Variants in FLT1 observed in about 807,000 individuals in gnomAD.
The protein encoded by FLT1 is fms related receptor tyrosine kinase 1.
Under a neutral mutation model 156.3 loss-of-function variants are expected in FLT1, and 49 were observed. That is an observed-to-expected ratio of 0.31 (90% CI 0.25 to 0.40). The LOEUF is 0.40. Ranked by LOEUF, FLT1 falls within the 10% of genes least tolerant of loss-of-function variation. The pLI is 1.00. For synonymous variants in FLT1, 594 were observed against 583.8 expected, an observed-to-expected ratio of 1.02 and a Z score of -0.25; for missense variants, 1,322 against 1,637.2, an observed-to-expected ratio of 0.81 and a Z score of 3.32.
At chr13:28,323,039 T>C in intron 20 of FLT1, 93 bp from the exon 21 acceptor site, 1 of 1,344,170 alleles carries the variant, frequency 7.4e-7, no homozygotes, top group African/African-American at 1.4e-5. Context: ...TGATGAGAAA[T>C]GAGAGCGTTT....
In FLT1 at chr13:28,494,821, C is replaced by T. The variant is rs757148061; in HGVS notation, c.23G>A (p.Gly8Glu). The change falls in exon 1 of 30, where the codon GGG becomes GAG. Residue 8 changes from glycine to glutamate, a missense_variant. Physicochemically the swap from Gly to Glu is moderately conservative, Grantham distance 98. Transcript: ENST00000282397. MVSYWDT[G>E]VLLCALLSCL... ...GCTGAGCAGCGCGCACAGCAGGACC[C>T]CGGTGTCCCAGTAGCTGACCATGGT... 3 of 1,573,228 alleles carry T rather than the reference C, an allele frequency of 1.9e-6. No individual in the cohort carries two copies. The highest frequency in any genetic ancestry group is 2.7e-5 in the African/African-American group (2 of 73,158).
At chr13:28,446,940 T>A (rs1439477388) in intron 3 of FLT1, among the ~76,000 whole-genome samples, 1 of 152,032 alleles carries the variant, frequency 6.6e-6, no homozygotes, top group African/African-American at 2.4e-5. Context: ...GCTGGCACAA[T>A]GGATTAGTGG....
Position 28,303,057 on chromosome 13 carries a change from C to A in FLT1, c.*110G>T. On this transcript the variant is annotated 3_prime_UTR_variant, in exon 30 of 30. Coordinates refer to ENST00000282397, the MANE Select transcript of FLT1 (RefSeq NM_002019.4). The stretch of plus-strand genomic sequence containing the variant: ...AAAAATCACAAAAAGCAGCTGGCTC[C>A]CATGGAAAGATAAAGGTGTAAACTT... The A allele has an allele frequency of 1.0e-6, 1 of 963,600 alleles. No homozygotes were observed. 59.7% of individuals were successfully genotyped at this position (963,600 alleles called of 1,614,324 possible).
At chr13:28,363,518 A>G (rs1313751738) in intron 14 of FLT1, among the ~76,000 whole-genome samples, 1 of 152,160 alleles carries the variant, frequency 6.6e-6, no homozygotes, top group African/African-American at 2.4e-5. Context: ...CAGAATACAG[A>G]ATATTATTTT....
rs954327183 is a variant in FLT1 at position 28,417,347 on chromosome 13, C to T, written c.1436+9812G>A. The stretch of plus-strand genomic sequence containing the variant: ...CTGCATCACATCTTTGTCCCTCTCC[C>T]CTTCCATTTAACTTTCCAAGATCTA... On this transcript the variant is annotated intron_variant, in intron 10 of 29. Coordinates refer to ENST00000282397, the MANE Select transcript of FLT1 (RefSeq NM_002019.4). Among the ~76,000 whole-genome samples the T allele has an allele frequency of 4.6e-5, 7 of 152,054 alleles. No individual in the cohort carries two copies. The South Asian group carries it at 1.0e-3, about 23-fold the overall frequency.
At chr13:28,351,576 GT>G (rs1484228807) in intron 15 of FLT1, among the ~76,000 whole-genome samples, 2 of 152,266 alleles carry the variant, frequency 1.3e-5, no homozygotes, top group Admixed American at 6.5e-5. Flanking sequence ...TGTCGATGAA[GT>G]TTTTTAGGAA....
chr13:28,315,651 T>C lies in FLT1; in HGVS notation c.3386+1847A>G, dbSNP rs182812534. Among the ~76,000 whole-genome samples the C allele has an allele frequency of 6.1e-3, 922 of 152,364 alleles. 11 individuals are homozygous for C. The highest frequency in any genetic ancestry group is 0.02 in the African/African-American group (841 of 41,582). Reference sequence around the variant, plus strand: ...AAACTTAATTTCATACTGTTTTGCATTTATTTTGATGTAAAAATATTGTTA... The same window carrying C: ...AAACTTAATTTCATACTGTTTTGCACTTATTTTGATGTAAAAATATTGTTA... On this transcript the variant is annotated intron_variant, in intron 25 of 29. Transcript: ENST00000282397.
intron 3 of FLT1, 69 bp from the exon 4 acceptor site, chr13:28,438,414 C>A: frequency 1.6e-6 from 2 of 1,249,334 alleles, no homozygotes; most frequent in Non-Finnish European, 2.3e-6. Flanking sequence ...GACACTGTAG[C>A]TAGTGTGGTA....
intron 10 of FLT1, among the ~76,000 whole-genome samples, chr13:28,421,361 C>T (rs898775665): frequency 2.6e-5 from 4 of 152,154 alleles, no homozygotes; most frequent in African/African-American, 7.2e-5. Context: ...ATTTTTCACA[C>T]CCTGAAGGGA....
At position 28,300,453 on chromosome 13, in the gene FLT1, T is replaced by A. The variant is rs1271293611; in HGVS notation, c.*2714A>T. The A allele has an allele frequency of 1.7e-5, 4 of 233,078 alleles. No individual in the cohort carries two copies. The highest frequency in any genetic ancestry group is 3.4e-5 in the Non-Finnish European group (4 of 118,066). 14.4% of individuals were successfully genotyped at this position (233,078 alleles called of 1,614,324 possible). ...GTCTTATATCTGTAGCATATATTCT[T>A]GGTTTGTATAAAAGTAACTTTAAAA... is the stretch of plus-strand genomic sequence containing the variant. On this transcript the variant is annotated 3_prime_UTR_variant, in exon 30 of 30. Transcript: ENST00000282397.
At position 28,384,882 on chromosome 13, in the gene FLT1, T is replaced by C. The variant is rs1480510419; in HGVS notation, c.2116+3A>G. ...ATAAATGGAAGAAAAAAAAGTCTCT[T>C]ACCAGGCTCTTGTTGTATTTTGTGG... On this transcript the variant is annotated splice_donor_region_variant and intron_variant, in intron 14 of 29. Transcript: ENST00000282397. 1 of 1,613,894 alleles carries C rather than the reference T, an allele frequency of 6.2e-7. No individual in the cohort carries two copies. Among genetic ancestry groups the C allele is most frequent in the African/African-American group, 1.3e-5 (1 of 74,914 alleles).
chr13:28,352,031 A>G (rs1323215453), intron 15 of FLT1, among the ~76,000 whole-genome samples: 1 of 152,248 alleles, frequency 6.6e-6, no homozygotes, highest in Non-Finnish European at 1.5e-5. Context: ...AAGGTAAGGA[A>G]CTTGGCAAAA....
intron 1 of FLT1, among the ~76,000 whole-genome samples, chr13:28,490,317 G>A (rs1881399414): frequency 6.6e-6 from 1 of 152,224 alleles, no homozygotes; most frequent in Non-Finnish European, 1.5e-5. Flanking sequence ...TTACCAAGAT[G>A]GATGGGAAAT....
chr13:28,484,222 G>GT (rs1881016609), intron 1 of FLT1, among the ~76,000 whole-genome samples: 1 of 152,196 alleles, frequency 6.6e-6, no homozygotes, highest in Admixed American at 6.5e-5. Flanking sequence ...AGGTCGTTCT[G>GT]TGAGGTATTT....
intron 3 of FLT1, among the ~76,000 whole-genome samples, chr13:28,450,084 T>C (rs1338340738): frequency 6.6e-6 from 1 of 152,042 alleles, no homozygotes. Flanking sequence ...AGATATAAGA[T>C]TGAAGCAAGC....
intron 23 of FLT1, 142 bp downstream of exon 23, chr13:28,321,321 C>T (rs555025817): frequency 1.0e-4 from 107 of 1,019,918 alleles, no homozygotes; most frequent in East Asian, 4.8e-5. Flanking sequence ...TCTGGGATGC[C>T]GCTCATCTGG....
intron 29 of FLT1, among the ~76,000 whole-genome samples, chr13:28,304,894 T>C (rs1870677282): frequency 6.6e-6 from 1 of 152,246 alleles, no homozygotes; most frequent in African/African-American, 2.4e-5. Flanking sequence ...CAATATTATA[T>C]TGTGTGGATA....
Position 28,384,978 on chromosome 13 carries a change from T to C in FLT1, c.2023A>G (p.Ser675Gly), listed in dbSNP as rs199945165. ...TGACAGTCTAAAGTGGTGGAACTGC[T>C]GATGGCCACTGTGTGATCACTGAGG... ...RNLSDHTVAI[S>G]SSTTLDCHAN... Residue 675 changes from serine (S) to glycine (G), a missense_variant, in exon 14 of 30, where the codon AGC (serine) becomes GGC (glycine). Ser to Gly is a moderately conservative substitution (Grantham distance 56). Around this residue, in one of 3 missense-constraint regions of FLT1, gnomAD observed 991 missense variants for 1,254.8 expected, o/e 0.79. Coordinates refer to ENST00000282397, the MANE Select transcript of FLT1 (RefSeq NM_002019.4). 9.4e-5 allele frequency: 151 copies of C among 1,614,022 alleles called. No individual in the cohort carries two copies. The highest frequency in any genetic ancestry group is 1.2e-4 in the Non-Finnish European group (141 of 1,179,960).
chr13:28,436,861 G>C (rs888672628), intron 4 of FLT1, among the ~76,000 whole-genome samples: 3 of 152,154 alleles, frequency 2.0e-5, no homozygotes, highest in African/African-American at 4.8e-5. Context: ...TGGTACTATT[G>C]TCATTACCCC....
Sources: gnomAD v4.1 joint callset for allele counts (sites outside exome capture counted in the v4.1 genomes callset) on GRCh38, gnomAD v4.1.1 for gene constraint, gnomAD v4.1.1 regional missense constraint, MANE v1.5 for transcripts, NCBI Gene and HGNC (gene_info 2026-07-23, HGNC 2026-07-21) for gene names.